The following PCDH15 variants were observed in gnomAD, a reference collection of about 807,000 sequenced individuals.
The protein encoded by PCDH15 is protocadherin-15.
PCDH15 carries 129 observed loss-of-function variants against 178.5 expected under a neutral mutation model. The observed-to-expected ratio is 0.72, with a 90% confidence interval of 0.63 to 0.84. The LOEUF is 0.84. Among genes scored for constraint, PCDH15 ranks in the 40% least tolerant of loss-of-function variants. PCDH15 has a pLI of 0.00. For missense variants in PCDH15, 2,230 were observed against 2,099.9 expected, an observed-to-expected ratio of 1.06 and a Z score of -1.21; for synonymous variants, 800 against 732.0, an observed-to-expected ratio of 1.09 and a Z score of -1.50.
chr10:54,271,035 T>G (rs1444314805), intron 8 of PCDH15, among the ~76,000 whole-genome samples: 1 of 152,140 alleles, frequency 6.6e-6, no homozygotes, highest in Non-Finnish European at 1.5e-5. Context: ...TATCAGAGAA[T>G]TTCATGAAAA....
chr10:54,059,454 A>T (rs971339643), intron 18 of PCDH15, among the ~76,000 whole-genome samples: 3 of 152,196 alleles, frequency 2.0e-5, no homozygotes, highest in Non-Finnish European at 4.4e-5. Flanking sequence ...AAAGAATTTT[A>T]TATTTTTCCT....
At chr10:54,964,455 G>C (rs1838732250) in intron 2 of PCDH15, among the ~76,000 whole-genome samples, 2 of 152,112 alleles carry the variant, frequency 1.3e-5, no homozygotes, top group African/African-American at 2.4e-5. Flanking sequence ...TTTTGTAGGA[G>C]GAAACTGTAT....
At chr10:55,138,110 T>C (rs754936934) in intron 2 of PCDH15, among the ~76,000 whole-genome samples, 4 of 152,218 alleles carry the variant, frequency 2.6e-5, no homozygotes, top group Admixed American at 6.5e-5. Flanking sequence ...CTTGCTGCTA[T>C]AGCTGTTGTA....
At chr10:54,889,244 A>G (rs939904311) in intron 3 of PCDH15, among the ~76,000 whole-genome samples, 2 of 151,856 alleles carry the variant, frequency 1.3e-5, no homozygotes, top group South Asian at 4.1e-4. Flanking sequence ...TTAATCATGT[A>G]TAACTTTGTG....
chr10:54,812,588 A>T (rs1450842709), intron 3 of PCDH15, among the ~76,000 whole-genome samples: 1 of 152,088 alleles, frequency 6.6e-6, no homozygotes, highest in Non-Finnish European at 1.5e-5. Flanking sequence ...CTTCCCGAGT[A>T]GCTGGGACTA....
intron 3 of PCDH15, among the ~76,000 whole-genome samples, chr10:54,895,559 C>T (rs1214613497): frequency 1.3e-5 from 2 of 152,140 alleles, no homozygotes; most frequent in Admixed American, 6.6e-5. Flanking sequence ...ACTGTTGTCT[C>T]ATTTGTCAGA....
chr10:54,235,404 G>T (rs906820118), intron 9 of PCDH15, among the ~76,000 whole-genome samples: 1 of 152,154 alleles, frequency 6.6e-6, no homozygotes, highest in Non-Finnish European at 1.5e-5. Flanking sequence ...AAATAAACTT[G>T]AACACCAATG....
intron 15 of PCDH15, among the ~76,000 whole-genome samples, chr10:54,113,639 GACAC>G (rs57193886): frequency 6.7e-6 from 1 of 149,808 alleles, no homozygotes; most frequent in Non-Finnish European, 1.5e-5. Flanking sequence ...TCCCAACACA[GACAC>G]ACACACACAC....
chr10:55,591,449 A>T (rs1842841607), intron 2 of PCDH15, among the ~76,000 whole-genome samples: 1 of 152,094 alleles, frequency 6.6e-6, no homozygotes, highest in African/African-American at 2.4e-5. Flanking sequence ...ATAAATACAT[A>T]AATAAATAAA....
chr10:54,623,514 T>A (rs2093452920), intron 2 of PCDH15, among the ~76,000 whole-genome samples: 1 of 152,154 alleles, frequency 6.6e-6, no homozygotes, highest in Admixed American at 6.6e-5. Context: ...AATATGAATG[T>A]TCTAACATTG....
At chr10:54,144,152 G>T (rs1300284957) in intron 14 of PCDH15, among the ~76,000 whole-genome samples, 7 of 151,966 alleles carry the variant, frequency 4.6e-5, no homozygotes, top group African/African-American at 1.7e-4. Context: ...TTTGATTTCT[G>T]GGTGGCCGTG....
chr10:55,009,253 T>TGTGC lies in PCDH15; in HGVS notation c.-79-111754_-79-111753insGCAC, dbSNP rs1197032801. Among the ~76,000 whole-genome samples, 11 of 149,690 alleles carry TGTGC rather than the reference T, an allele frequency of 7.3e-5. No individual in the cohort carries two copies. The South Asian group carries it at 2.3e-3, about 31-fold the overall frequency. Reference sequence around the variant, plus strand: ...TTTGTTTTAATTGCACGCACAGATGTGTGTGTGTGTGTGTGTGTGTTTGTG... The same window carrying TGTGC: ...TTTGTTTTAATTGCACGCACAGATGTGTGCGTGTGTGTGTGTGTGTGTGTTTGTG... On this transcript the variant is annotated intron_variant, in intron 2 of 5. Coordinates refer to the PCDH15 transcript ENST00000458638.
intron 3 of PCDH15, among the ~76,000 whole-genome samples, chr10:54,871,441 C>T (rs1190554757): frequency 2.6e-5 from 3 of 115,870 alleles, no homozygotes; most frequent in South Asian, 3.1e-4. Flanking sequence ...AAAAAAAAAA[C>T]ACTGTAACTC....
intron 3 of PCDH15, among the ~76,000 whole-genome samples, chr10:54,860,720 C>G (rs1953823762): frequency 6.6e-6 from 1 of 152,116 alleles, no homozygotes; most frequent in Non-Finnish European, 1.5e-5. Flanking sequence ...TTTGAGAAAT[C>G]TTCAAACTGC....
chr10:53,868,426 ATAAAT>A (rs1011767554), intron 26 of PCDH15, among the ~76,000 whole-genome samples: 40 of 152,266 alleles, frequency 2.6e-4, no homozygotes, highest in African/African-American at 9.1e-4. Context: ...TTTTACTTAT[ATAAAT>A]TAGTGATATT....
At chr10:54,809,025 T>A (rs1294264898) in intron 3 of PCDH15, among the ~76,000 whole-genome samples, 1 of 152,068 alleles carries the variant, frequency 6.6e-6, no homozygotes, top group Non-Finnish European at 1.5e-5. Flanking sequence ...TTCGTCCTGA[T>A]CTTGACAATA....
chr10:53,911,412 G>A (rs1476806442), intron 25 of PCDH15, among the ~76,000 whole-genome samples: 1 of 152,180 alleles, frequency 6.6e-6, no homozygotes, highest in Non-Finnish European at 1.5e-5. Context: ...TGAAACCAAT[G>A]AGAACAAAGA....
intron 1 of PCDH15, among the ~76,000 whole-genome samples, chr10:54,686,027 G>A (rs981550589): frequency 5.3e-5 from 8 of 149,804 alleles, no homozygotes; most frequent in African/African-American, 2.0e-4. Flanking sequence ...AAATCCAAGG[G>A]AGCAAGACAG....
At chr10:54,078,808 T>C (rs2094388551) in intron 17 of PCDH15, among the ~76,000 whole-genome samples, 1 of 152,144 alleles carries the variant, frequency 6.6e-6, no homozygotes, top group South Asian at 2.1e-4. Context: ...TTTATCTTCT[T>C]TGGAATTATA....
Sources: allele counts gnomAD v4.1 joint callset (sites outside exome capture counted in the v4.1 genomes callset), GRCh38; gene constraint gnomAD v4.1.1; transcripts MANE v1.5; gene names NCBI Gene and HGNC (gene_info 2026-07-23, HGNC 2026-07-21).